The following GALNT17 variants were observed in gnomAD, a reference collection of about 807,000 sequenced individuals.
The protein encoded by GALNT17 is UDP-GalNAc:polypeptide N-acetylgalactosaminyltransferase-like 3.
GALNT17 carries 29 observed loss-of-function variants against 63.7 expected under a neutral mutation model. The ratio of observed to expected loss-of-function variants is 0.46; its 90% CI spans 0.34 to 0.62. The LOEUF (loss-of-function observed/expected upper bound fraction) is 0.62. GALNT17 is among the 20% of genes least tolerant of loss of function. GALNT17 has a pLI of 0.01. For missense variants in GALNT17, 603 were observed against 799.6 expected, an observed-to-expected ratio of 0.75 and a Z score of 2.97; for synonymous variants, 305 against 318.3, an observed-to-expected ratio of 0.96 and a Z score of 0.45.
At chr7:71,208,417 TTTATA>T (rs972022778) in intron 1 of GALNT17, among the ~76,000 whole-genome samples, 1 of 151,728 alleles carries the variant, frequency 6.6e-6, no homozygotes, top group Non-Finnish European at 1.5e-5. Flanking sequence ...TGGCATAGCC[TTTATA>T]TTGTATTTGT....
intron 5 of GALNT17, among the ~76,000 whole-genome samples, chr7:71,541,771 C>T (rs181015206): frequency 6.6e-6 from 1 of 152,212 alleles, no homozygotes; most frequent in Admixed American, 6.5e-5. Context: ...TTCCAGAGAA[C>T]CCGATGCAAT....
intron 1 of GALNT17, among the ~76,000 whole-genome samples, chr7:71,138,154 C>T (rs552351653): frequency 1.3e-5 from 2 of 152,182 alleles, no homozygotes; most frequent in African/African-American, 4.8e-5. Flanking sequence ...TTAGACCAAC[C>T]TGGGCAACAC....
At chr7:71,174,919 G>A (rs1047126375) in intron 1 of GALNT17, among the ~76,000 whole-genome samples, 14 of 152,270 alleles carry the variant, frequency 9.2e-5, no homozygotes, top group Non-Finnish European at 1.3e-4. Flanking sequence ...TTTGGGGAGC[G>A]ATGGAAGGTT....
At chr7:71,377,689 C>T (rs1057175342) in intron 2 of GALNT17, among the ~76,000 whole-genome samples, 1 of 152,216 alleles carries the variant, frequency 6.6e-6, no homozygotes, top group African/African-American at 2.4e-5. Context: ...CCCCATGTGT[C>T]AAGGGAGGGA....
chr7:71,148,553 G>A (rs1788066679), intron 1 of GALNT17, among the ~76,000 whole-genome samples: 1 of 152,104 alleles, frequency 6.6e-6, no homozygotes, highest in Admixed American at 6.6e-5. Context: ...AATCCGCAGT[G>A]TCTACCATGC....
intron 5 of GALNT17, among the ~76,000 whole-genome samples, chr7:71,490,810 G>T (rs1171798467): frequency 6.6e-6 from 1 of 152,172 alleles, no homozygotes; most frequent in Non-Finnish European, 1.5e-5. Flanking sequence ...TGAGGCAGGA[G>T]GATCTCTTGA....
chr7:71,442,836 C>T lies in GALNT17; in HGVS notation c.962+21731C>T, dbSNP rs140933170. ...CCGAAAACAGGCAGTGTGTGAGACC[C>T]GGGAGAGCTGGCCTGCATGGGAGGT... On this transcript the variant is annotated intron_variant, in intron 5 of 10. Coordinates refer to ENST00000333538, the MANE Select transcript of GALNT17 (RefSeq NM_022479.3). Among the ~76,000 whole-genome samples, 300 of 152,234 alleles carry T rather than the reference C, an allele frequency of 2.0e-3. 3 individuals carry two copies. Among genetic ancestry groups the T allele is most frequent in the African/African-American group, 6.9e-3 (286 of 41,536 alleles).
intron 1 of GALNT17, among the ~76,000 whole-genome samples, chr7:71,204,395 A>G (rs2116375131): frequency 6.6e-6 from 1 of 152,230 alleles, no homozygotes; most frequent in East Asian, 1.9e-4. Context: ...TAGTGCTTCT[A>G]TGCAAGTTTT....
At chr7:71,570,115 TG>T (rs1789414855) in intron 5 of GALNT17, among the ~76,000 whole-genome samples, 1 of 151,956 alleles carries the variant, frequency 6.6e-6, no homozygotes, top group Admixed American at 6.6e-5. Flanking sequence ...TGGCCTCACA[TG>T]GTTCTTGTCT....
intron 5 of GALNT17, among the ~76,000 whole-genome samples, chr7:71,525,948 C>T (rs1788617371): frequency 6.6e-6 from 1 of 151,452 alleles, no homozygotes; most frequent in African/African-American, 2.4e-5. Context: ...CCATGTTGGC[C>T]AGGCTCATCT....
intron 1 of GALNT17, among the ~76,000 whole-genome samples, chr7:71,153,945 ATAAAAAAAT>A (rs1380511468): frequency 7.6e-6 from 1 of 131,928 alleles, no homozygotes; most frequent in Non-Finnish European, 1.7e-5. Flanking sequence ...AAAATAAAAA[ATAAAAAAAT>A]AAAAATGTAT....
intron 9 of GALNT17, among the ~76,000 whole-genome samples, chr7:71,693,307 C>CATATATATATATATATATATAT (rs1397260396): frequency 2.4e-5 from 3 of 126,642 alleles, no homozygotes; most frequent in South Asian, 3.4e-4. Flanking sequence ...CACACACACA[C>CATATATATATATATATATATAT]ACATATATAT....
chr7:71,486,185 C>T (rs10268108), intron 5 of GALNT17, among the ~76,000 whole-genome samples: 6,337 of 151,530 alleles, frequency 0.042, 247 homozygotes, highest in African/African-American at 0.1. Flanking sequence ...AAAAATTTGC[C>T]GGGCGTGGTG....
rs567429793 is a variant in GALNT17 at position 71,155,448 on chromosome 7, A to G, written c.238+22408A>G. On this transcript the variant is annotated intron_variant, in intron 1 of 10. Transcript: ENST00000333538. ...ACCACCATGCCTGGCTAATTTTTGT[A>G]TTTTTATTAGAGAGAGGGTTTCGCC... Among the ~76,000 whole-genome samples the G allele has an allele frequency of 4.6e-5, 7 of 151,436 alleles. No individual in the cohort carries two copies. The South Asian group carries it at 1.5e-3, about 31-fold the overall frequency.
At chr7:71,142,612 T>C (rs1787936956) in intron 1 of GALNT17, among the ~76,000 whole-genome samples, 2 of 152,194 alleles carry the variant, frequency 1.3e-5, no homozygotes, top group Non-Finnish European at 2.9e-5. Flanking sequence ...GAAGATATCT[T>C]TGTGGCTTTA....
chr7:71,247,258 G>GT (rs1339881585), intron 1 of GALNT17, among the ~76,000 whole-genome samples: 2 of 152,286 alleles, frequency 1.3e-5, no homozygotes, highest in African/African-American at 4.8e-5. Context: ...ACTGGAGAAT[G>GT]TTTTAAAATA....
intron 1 of GALNT17, among the ~76,000 whole-genome samples, chr7:71,259,949 C>G (rs1048983673): frequency 1.3e-5 from 2 of 152,082 alleles, no homozygotes; most frequent in Non-Finnish European, 2.9e-5. Context: ...CCTCTTGGTC[C>G]TGTTTTATGG....
intron 3 of GALNT17, among the ~76,000 whole-genome samples, chr7:71,409,045 C>G (rs914199813): frequency 6.7e-6 from 1 of 148,750 alleles, no homozygotes; most frequent in South Asian, 2.1e-4. Context: ...CACACACACA[C>G]ACACACATTT....
At chr7:71,349,961 A>G (rs1038139639) in intron 2 of GALNT17, among the ~76,000 whole-genome samples, 11 of 152,202 alleles carry the variant, frequency 7.2e-5, no homozygotes, top group Non-Finnish European at 8.8e-5. Context: ...GATAATCAGA[A>G]GTTTGAAGAG....
Sources: allele counts gnomAD v4.1 joint callset (sites outside exome capture counted in the v4.1 genomes callset), GRCh38; gene constraint gnomAD v4.1.1; transcripts MANE v1.5; gene names NCBI Gene and HGNC (gene_info 2026-07-23, HGNC 2026-07-21).